ATP8A2: variants seen among roughly 807,000 people sequenced by gnomAD.
The protein encoded by ATP8A2 is phospholipid-transporting ATPase IB.
Under a neutral mutation model 165.6 loss-of-function variants are expected in ATP8A2, and 100 were observed. The ratio of observed to expected loss-of-function variants is 0.60; its 90% CI spans 0.51 to 0.71. ATP8A2 has a LOEUF of 0.71. ATP8A2 is among the 30% of genes least tolerant of loss of function. The pLI is 0.00. For synonymous variants in ATP8A2, 543 were observed against 548.8 expected, an observed-to-expected ratio of 0.99 and a Z score of 0.15; for missense variants, 1,227 against 1,479.5, an observed-to-expected ratio of 0.83 and a Z score of 2.80.
intron 24 of ATP8A2, among the ~76,000 whole-genome samples, chr13:25,670,948 C>T (rs1478400580): frequency 6.6e-6 from 1 of 152,166 alleles, no homozygotes; most frequent in Non-Finnish European, 1.5e-5. Flanking sequence ...GTTGGCAGTT[C>T]TGTTAAGTGT....
chr13:25,915,304 G>A (rs1238014211), intron 33 of ATP8A2, among the ~76,000 whole-genome samples: 1 of 152,166 alleles, frequency 6.6e-6, no homozygotes, highest in African/African-American at 2.4e-5. Context: ...GAGAAGCCAG[G>A]CTAATTATTT....
At chr13:25,571,501 AC>A (rs2039466934) in intron 17 of ATP8A2, 108 bp from the exon 18 acceptor site, 5 of 755,396 alleles carry the variant, frequency 6.6e-6, no homozygotes, top group Admixed American at 2.2e-5. Context: ...TGCAGATAAC[AC>A]CAGGCCTCCT....
In ATP8A2 at chr13:25,953,072, G is replaced by A. The variant is rs74039436; in HGVS notation, c.3184-8503G>A. On this transcript the variant is annotated intron_variant, in intron 33 of 36. Transcript: ENST00000381655. This position sits in a 1 kb window ranked among gnomAD's most constrained non-coding sequence, Gnocchi z 6.7. ...GAAGGTGGCAATGGCAACTGCAAGGGTTCTTCCAAATCCGATTGTCCTGAC... is the reference window on the plus strand; with the variant it reads ...GAAGGTGGCAATGGCAACTGCAAGGATTCTTCCAAATCCGATTGTCCTGAC... Among the ~76,000 whole-genome samples the A allele has an allele frequency of 2.9e-3, 435 of 152,296 alleles. 2 individuals are homozygous for A. Among genetic ancestry groups the A allele is most frequent in the African/African-American group, 0.01 (419 of 41,570 alleles).
intron 27 of ATP8A2, among the ~76,000 whole-genome samples, chr13:25,821,553 A>G (rs1444322220): frequency 6.6e-6 from 1 of 152,244 alleles, no homozygotes; most frequent in Non-Finnish European, 1.5e-5. Flanking sequence ...GCTCCCATAC[A>G]TATAAGCAGA....
intron 28 of ATP8A2, among the ~76,000 whole-genome samples, chr13:25,833,617 A>G (rs1951532230): frequency 6.6e-6 from 1 of 152,182 alleles, no homozygotes. Context: ...GTTTGGCCTC[A>G]TTAATTATGT....
chr13:25,422,424 C>T (rs1025266748), intron 1 of ATP8A2, among the ~76,000 whole-genome samples: 4 of 152,274 alleles, frequency 2.6e-5, no homozygotes, highest in Non-Finnish European at 5.9e-5. Flanking sequence ...AAAAGGTCCC[C>T]ATTAGACCAA....
intron 23 of ATP8A2, among the ~76,000 whole-genome samples, chr13:25,586,662 C>T (rs2039930254): frequency 6.6e-6 from 1 of 152,210 alleles, no homozygotes; most frequent in African/African-American, 2.4e-5. Flanking sequence ...AACATGCTCA[C>T]TGCGGGTTGG....
intron 25 of ATP8A2, among the ~76,000 whole-genome samples, chr13:25,733,151 T>G (rs913230084): frequency 1.2e-4 from 19 of 152,220 alleles, no homozygotes; most frequent in Non-Finnish European, 2.5e-4. Flanking sequence ...ATAATCTGGC[T>G]GACAGCAGGT....
chr13:25,728,023 G>A (rs1455555791), intron 25 of ATP8A2, among the ~76,000 whole-genome samples: 2 of 152,162 alleles, frequency 1.3e-5, no homozygotes, highest in Admixed American at 6.6e-5. Flanking sequence ...GCTCAAGGGG[G>A]CGTTGAGGAT....
intron 2 of ATP8A2, among the ~76,000 whole-genome samples, chr13:25,480,357 G>A (rs1179430144): frequency 1.3e-5 from 2 of 151,800 alleles, no homozygotes; most frequent in African/African-American, 2.4e-5. Flanking sequence ...TCACTTCCCA[G>A]ACTGGGTGGC....
At chr13:25,911,179 G>A (rs944535309) in intron 33 of ATP8A2, among the ~76,000 whole-genome samples, 2 of 152,134 alleles carry the variant, frequency 1.3e-5, no homozygotes, top group African/African-American at 4.8e-5. Flanking sequence ...GGCAAAAGAT[G>A]TTAATTGGTT....
At chr13:25,382,980 C>T (rs1325702190) in intron 1 of ATP8A2, among the ~76,000 whole-genome samples, 1 of 151,230 alleles carries the variant, frequency 6.6e-6, no homozygotes, top group Non-Finnish European at 1.5e-5. Context: ...TGGTCTCCAT[C>T]TCCTGACTTC....
intron 2 of ATP8A2, among the ~76,000 whole-genome samples, chr13:25,483,727 C>T (rs2036274167): frequency 6.6e-6 from 1 of 152,106 alleles, no homozygotes; most frequent in Non-Finnish European, 1.5e-5. Flanking sequence ...ATAGTGAGAT[C>T]CTATGTCTAC....
chr13:25,956,472 C>T (rs921779729), intron 33 of ATP8A2, among the ~76,000 whole-genome samples: 3 of 152,022 alleles, frequency 2.0e-5, no homozygotes, highest in Non-Finnish European at 2.9e-5. Context: ...CCTATACACC[C>T]ATAACAGACA....
In ATP8A2 at chr13:26,024,646, C is replaced by T. The variant is rs1403951875; in HGVS notation, c.*4661C>T. Reference sequence around the variant, plus strand: ...ACTGAGGAGAGACAAAAGAGGGATTCTTTTTACACCCAGGCTGGCGCATTT... The same window carrying T: ...ACTGAGGAGAGACAAAAGAGGGATTTTTTTTACACCCAGGCTGGCGCATTT... On this transcript the variant is annotated 3_prime_UTR_variant, in exon 37 of 37. Transcript: ENST00000381655. 1 of 152,210 alleles carries T rather than the reference C, an allele frequency of 6.6e-6. No individual in the cohort carries two copies. The highest frequency in any genetic ancestry group is 6.5e-5 in the Admixed American group (1 of 15,276). The allele number at this position is 152,210 out of a possible 1,614,324, so 9.4% of individuals were successfully genotyped here.
At chr13:25,484,539 C>T (rs1416422083) in intron 2 of ATP8A2, among the ~76,000 whole-genome samples, 1 of 151,824 alleles carries the variant, frequency 6.6e-6, no homozygotes, top group African/African-American at 2.4e-5. Context: ...TTTTTTGAGA[C>T]AGAGTCTCGC....
chr13:25,699,170 C>G lies in ATP8A2; in HGVS notation c.2212-3C>G. ...GTGATTTTCCCCTATACTCTTGTTTCAGGCCACAAGGGCAGCCATTACTCA... is the reference window on the plus strand; with the variant it reads ...GTGATTTTCCCCTATACTCTTGTTTGAGGCCACAAGGGCAGCCATTACTCA... On this transcript the variant is annotated splice_region_variant and splice_polypyrimidine_tract_variant and intron_variant, in intron 24 of 36. Transcript: ENST00000381655. The G allele has an allele frequency of 1.3e-6, 2 of 1,532,736 alleles. No homozygotes were observed. Among genetic ancestry groups the G allele is most frequent in the South Asian group, 1.3e-5 (1 of 77,280 alleles). The allele number at this position is 1,532,736 out of a possible 1,614,324, so 94.9% of individuals were successfully genotyped here.
Position 25,829,142 on chromosome 13 carries a change from T to A in ATP8A2, c.2754+950T>A, listed in dbSNP as rs1951392023. ...TGATGTAAAATGCTGAATGCAGTAGTTTGCCCTGGCCCTGTGTAGCTTGCA... is the reference window on the plus strand; with the variant it reads ...TGATGTAAAATGCTGAATGCAGTAGATTGCCCTGGCCCTGTGTAGCTTGCA... On this transcript the variant is annotated intron_variant, in intron 28 of 36. Coordinates refer to ENST00000381655, the MANE Select transcript of ATP8A2 (RefSeq NM_016529.6). 3.9e-5 allele frequency among the ~76,000 whole-genome samples: 6 copies of A among 152,296 alleles called. No homozygotes were observed. In the South Asian group the frequency reaches 1.2e-3, roughly 32 times the overall value.
intron 27 of ATP8A2, among the ~76,000 whole-genome samples, 171 bp from the exon 28 acceptor site, chr13:25,827,947 T>G (rs1885814): frequency 0.013 from 2,002 of 152,334 alleles, 46 homozygotes; most frequent in African/African-American, 0.046. Flanking sequence ...TGGATTTCTG[T>G]GATATCGGGA....
Sources: allele counts gnomAD v4.1 joint callset (sites outside exome capture counted in the v4.1 genomes callset), GRCh38; gene constraint gnomAD v4.1.1; non-coding constraint Gnocchi (gnomAD v3.1); transcripts MANE v1.5; gene names NCBI Gene and HGNC (gene_info 2026-07-23, HGNC 2026-07-21).